Variants in CEP192 observed in about 807,000 individuals in gnomAD.
The protein encoded by CEP192 is centrosomal protein 192, also known as centrosomal protein of 192 kDa.
CEP192 carries 151 observed loss-of-function variants against 271.8 expected under a neutral mutation model. The ratio of observed to expected loss-of-function variants is 0.56; its 90% confidence interval spans 0.49 to 0.64. CEP192 has a LOEUF of 0.64. Among genes scored for constraint, CEP192 ranks in the 30% least tolerant of loss-of-function variants. CEP192 has a pLI of 0.00. For synonymous variants in CEP192, 995 were observed against 1,076.5 expected (o/e 0.92, Z 1.48); for missense variants, 2,910 against 3,020.5 (o/e 0.96, Z 0.86).
chr18:13,061,008 C>T (rs2037380136), intron 21 of CEP192, among the ~76,000 whole-genome samples: 1 of 151,956 alleles, frequency 6.6e-6, no homozygotes, highest in Non-Finnish European at 1.5e-5. Context: ...ACAGATGTTA[C>T]TGATTTCCTC....
intron 19 of CEP192, 38 bp downstream of exon 19, chr18:13,056,736 AT>A: frequency 6.8e-7 from 1 of 1,467,758 alleles, no homozygotes; most frequent in Non-Finnish European, 9.2e-7. Flanking sequence ...ACTTGCTATT[AT>A]TTTCTCAAAT....
chr18:13,066,802 T>C (rs1056909765), intron 21 of CEP192, among the ~76,000 whole-genome samples: 4 of 152,212 alleles, frequency 2.6e-5, no homozygotes, highest in African/African-American at 9.6e-5. Flanking sequence ...TGAAGTCACA[T>C]CTTCTGTTCT....
At chr18:13,089,792 A>G (rs956668870) in intron 33 of CEP192, among the ~76,000 whole-genome samples, 1 of 152,246 alleles carries the variant, frequency 6.6e-6, no homozygotes, top group African/African-American at 2.4e-5. Flanking sequence ...CTAGCTTTTC[A>G]TCCATACAGA....
At chr18:13,001,604 C>T (rs1216976457) in intron 3 of CEP192, 22 bp downstream of exon 3, 2 of 1,535,180 alleles carry the variant, frequency 1.3e-6, no homozygotes, top group Non-Finnish European at 8.8e-7. Flanking sequence ...CCTTCATTTG[C>T]TTGTACTGTG....
intron 36 of CEP192, among the ~76,000 whole-genome samples, chr18:13,097,857 T>C (rs904471161): frequency 5.3e-5 from 8 of 152,012 alleles, no homozygotes; most frequent in Non-Finnish European, 7.4e-5. Context: ...TTAACGAACA[T>C]GCTGCCTTCA....
In CEP192 at chr18:13,068,347, T is replaced by C. The variant is rs770652862; in HGVS notation, c.4759-12T>C. On this transcript the variant is annotated splice_polypyrimidine_tract_variant and intron_variant, in intron 23 of 44. Coordinates refer to ENST00000506447, the MANE Select transcript of CEP192 (RefSeq NM_032142.4). Reference sequence around the variant, plus strand: ...GTTTACATTAAGACAAATTTTTCTTTTAATTTTATAGGATCCAGAATTTCT... The same window carrying C: ...GTTTACATTAAGACAAATTTTTCTTCTAATTTTATAGGATCCAGAATTTCT... 1 of 1,610,024 alleles carries C rather than the reference T, an allele frequency of 6.2e-7. No homozygotes were observed. Among genetic ancestry groups the C allele is most frequent in the East Asian group, 2.2e-5 (1 of 44,840 alleles).
At position 13,072,788 on chromosome 18, in the gene CEP192, A is replaced by G. The variant is rs757493377; in HGVS notation, c.5382A>G (p.Ala1794=). Reference sequence around the variant, plus strand: ...AACTAGCTTTAAGAAATAATTCTGCATCTACAACTCAACATTTACGACTGC... The same window carrying G: ...AACTAGCTTTAAGAAATAATTCTGCGTCTACAACTCAACATTTACGACTGC... ...LQKLALRNNS[A]STTQHLRLLI... The change falls in exon 29 of 45, where the codon GCA becomes GCG. Residue 1794 remains alanine (A), a synonymous_variant. Transcript: ENST00000506447. 5 of 1,612,312 alleles carry G rather than the reference A, an allele frequency of 3.1e-6. No homozygotes were observed. Among genetic ancestry groups the G allele is most frequent in the Non-Finnish European group, 3.4e-6 (4 of 1,178,318 alleles).
At position 13,012,980 on chromosome 18, in the gene CEP192, T is replaced by C. The variant is rs567783897; in HGVS notation, c.474T>C (p.Pro158=). ...TTTTGTTTTCTTACACAGACTCACCTATTGATTTTCATTTACAGTCATGGA... is the reference window on the plus strand; with the variant it reads ...TTTTGTTTTCTTACACAGACTCACCCATTGATTTTCATTTACAGTCATGGA... ...ASPLEQAQDS[P]IDFHLQSWMN... is the part of the protein sequence containing the mutation. The change falls in exon 5 of 45, where the codon CCT becomes CCC. Residue 158 remains proline (P), a synonymous_variant. Transcript: ENST00000506447. 203 of 1,511,236 alleles carry C rather than the reference T, an allele frequency of 1.3e-4. 1 individual carries two copies. The African/African-American group carries it at 2.6e-3, about 20-fold the overall frequency. 93.6% of individuals were successfully genotyped at this position (1,511,236 alleles called of 1,614,324 possible).
chr18:13,079,993 G>A (rs9963581), intron 30 of CEP192, among the ~76,000 whole-genome samples: 5,468 of 152,108 alleles, frequency 0.036, 310 homozygotes, highest in African/African-American at 0.12. Context: ...CCACTGGTCT[G>A]TATATCTGTT....
At chr18:13,006,758 C>T (rs918605686) in intron 3 of CEP192, among the ~76,000 whole-genome samples, 4 of 147,652 alleles carry the variant, frequency 2.7e-5, no homozygotes, top group Non-Finnish European at 5.9e-5. Context: ...TGTTCCTGGC[C>T]ATTTACTGTA....
At chr18:13,055,340 G>A (rs1301282790) in intron 18 of CEP192, among the ~76,000 whole-genome samples, 1 of 151,776 alleles carries the variant, frequency 6.6e-6, no homozygotes, top group Non-Finnish European at 1.5e-5. Flanking sequence ...AGCATGGACA[G>A]ATGGTGGGGT....
At chr18:13,116,293 A>G in intron 42 of CEP192, 84 bp from the exon 43 acceptor site, 1 of 1,247,522 alleles carries the variant, frequency 8.0e-7, no homozygotes, top group African/African-American at 1.6e-5. Context: ...AATTAATGCA[A>G]TACTACATAA....
At chr18:13,113,206 G>T (rs928836037) in intron 40 of CEP192, among the ~76,000 whole-genome samples, 1 of 152,142 alleles carries the variant, frequency 6.6e-6, no homozygotes, top group Non-Finnish European at 1.5e-5. Context: ...CCCTTGTCCT[G>T]GTACTGCTTG....
chr18:13,072,953 A>T, intron 29 of CEP192, 56 bp from the exon 30 acceptor site: 1 of 1,555,532 alleles, frequency 6.4e-7, no homozygotes, highest in South Asian at 1.1e-5. Flanking sequence ...TGTTAATGGT[A>T]TGTTTTATTT....
At chr18:13,035,484 T>C (rs1459346146) in intron 11 of CEP192, among the ~76,000 whole-genome samples, 2 of 152,206 alleles carry the variant, frequency 1.3e-5, no homozygotes, top group African/African-American at 2.4e-5. Flanking sequence ...GTGAGACTTA[T>C]TCACTATCAT....
rs970401100 is a variant in CEP192, at chr18:13,067,948, A to G, written c.4606A>G (p.Ile1536Val). The G allele has an allele frequency of 1.5e-5, 24 of 1,608,244 alleles. No homozygotes were observed. The highest frequency in any genetic ancestry group is 2.0e-5 in the Non-Finnish European group (23 of 1,175,064). ...TGCCACTGTGCCAATTAGACTGATT[A>G]TTAATGCTGTAAGTATGAACATACA... ...THATVPIRLI[I>V]NANAVAWRCF... Residue 1536 changes from isoleucine to valine, a missense_variant, in exon 22 of 45, where the codon ATT (isoleucine) becomes GTT (valine). By Grantham distance (29) the Ile-to-Val change is conservative. Transcript: ENST00000506447.
intron 30 of CEP192, 103 bp downstream of exon 30, chr18:13,073,288 CTA>C (rs1158457132): frequency 3.9e-6 from 4 of 1,034,484 alleles, no homozygotes; most frequent in Non-Finnish European, 5.6e-6. Context: ...ATAAGTGAAA[CTA>C]TGTAATTATC....
At chr18:13,111,508 A>G (rs1029661900) in intron 40 of CEP192, among the ~76,000 whole-genome samples, 1 of 152,220 alleles carries the variant, frequency 6.6e-6, no homozygotes, top group African/African-American at 2.4e-5. Context: ...GACCATAAAC[A>G]TTAGACCTAA....
At chr18:13,009,013 T>TG (rs372006169) in intron 4 of CEP192, among the ~76,000 whole-genome samples, 1 of 94,034 alleles carries the variant, frequency 1.1e-5, no homozygotes, top group African/African-American at 6.5e-5. Context: ...CTGGCCTTTT[T>TG]GTTTTTTTTT....
Sources: allele counts gnomAD v4.1 joint callset (sites outside exome capture counted in the v4.1 genomes callset), GRCh38; gene constraint gnomAD v4.1.1; transcripts MANE v1.5; gene names NCBI Gene and HGNC (gene_info 2026-07-23, HGNC 2026-07-21).